The following COPS2 variants were observed in gnomAD, a reference collection of about 807,000 sequenced individuals.
COPS2 encodes COP9 signalosome subunit 2, also known as COP9 signalosome complex subunit 2.
In COPS2, 10 loss-of-function variants were observed where a neutral mutation model predicts 66.1. The ratio of observed to expected loss-of-function variants is 0.15; its 90% confidence interval spans 0.09 to 0.26. The LOEUF (loss-of-function observed/expected upper bound fraction) is 0.26, where lower values mean the gene tolerates loss of function less well. Ranked by LOEUF, COPS2 falls within the 10% of genes least tolerant of loss-of-function variation. COPS2 has a pLI of 1.00. For missense variants in COPS2, 215 were observed against 513.3 expected (o/e 0.42, Z 5.62); for synonymous variants, 179 against 171.3 (o/e 1.04, Z -0.35).
chr15:49,130,482 T>C (rs2084199544), intron 10 of COPS2, among the ~76,000 whole-genome samples: 1 of 152,194 alleles, frequency 6.6e-6, no homozygotes, highest in South Asian at 2.1e-4. Flanking sequence ...GACAGTTACC[T>C]TAAACAAAAT....
At chr15:49,137,043 A>G in intron 6 of COPS2, 107 bp downstream of exon 6, 1 of 695,318 alleles carries the variant, frequency 1.4e-6, no homozygotes, top group East Asian at 3.0e-5. Context: ...TATTTTTCAG[A>G]TAATGCTTAA....
chr15:49,128,067 G>C lies in COPS2; in HGVS notation c.1215C>G (p.Val405=). ...DNTIHGRIDQ[V]NQLLELDHQK... is the part of the protein sequence containing the mutation. ...GATGATCCAGTTCAAGGAGTTGGTT[G>C]ACTTGATCAATTCGGCCATGAATAG... The change falls in exon 13 of 13, where the codon GTC becomes GTG. Residue 405 remains valine (V), a synonymous_variant. Coordinates refer to ENST00000388901, the MANE Select transcript of COPS2 (RefSeq NM_004236.4). 6.2e-7 allele frequency: 1 copy of C among 1,613,774 alleles called. No homozygotes were observed. Among genetic ancestry groups the C allele is most frequent in the Non-Finnish European group, 8.5e-7 (1 of 1,179,784 alleles).
At chr15:49,145,540 G>C (rs1410598306) in intron 1 of COPS2, among the ~76,000 whole-genome samples, 1 of 151,116 alleles carries the variant, frequency 6.6e-6, no homozygotes, top group Non-Finnish European at 1.5e-5. Flanking sequence ...AACCAGCTAG[G>C]ATGGTAATCT....
At chr15:49,128,464 C>T (rs1483664971) in intron 12 of COPS2, among the ~76,000 whole-genome samples, 3 of 151,212 alleles carry the variant, frequency 2.0e-5, no homozygotes, top group Non-Finnish European at 4.4e-5. Context: ...TTAAATAATT[C>T]TTTGGCTGTA....
intron 6 of COPS2, 84 bp from the exon 7 acceptor site, chr15:49,134,598 A>G (rs1239195446): frequency 1.8e-6 from 2 of 1,088,978 alleles, no homozygotes; most frequent in Admixed American, 2.6e-5. Flanking sequence ...TCTTACATTT[A>G]TAATACTATT....
At chr15:49,153,397 A>C (rs1470655171) in intron 1 of COPS2, among the ~76,000 whole-genome samples, 1 of 152,206 alleles carries the variant, frequency 6.6e-6, no homozygotes, top group African/African-American at 2.4e-5. Flanking sequence ...TCAAAAAGAC[A>C]AAAAATAATA....
chr15:49,128,602 C>G (rs1209764499), intron 12 of COPS2, 100 bp downstream of exon 12: 4 of 806,196 alleles, frequency 5.0e-6, no homozygotes, highest in Non-Finnish European at 6.0e-6. Flanking sequence ...CCCAAGGGTG[C>G]TTTTTATGAA....
At chr15:49,148,524 C>T (rs2084337391) in intron 1 of COPS2, among the ~76,000 whole-genome samples, 1 of 152,138 alleles carries the variant, frequency 6.6e-6, no homozygotes, top group Non-Finnish European at 1.5e-5. Flanking sequence ...TGGGCTGAAG[C>T]ACAGGATGTT....
At chr15:49,150,147 G>A (rs2084348345) in intron 1 of COPS2, among the ~76,000 whole-genome samples, 1 of 151,354 alleles carries the variant, frequency 6.6e-6, no homozygotes, top group Non-Finnish European at 1.5e-5. Context: ...AATTAGCCGG[G>A]CATGGTGGCG....
chr15:49,141,596 A>C (rs1487023999), intron 3 of COPS2, among the ~76,000 whole-genome samples: 4 of 152,192 alleles, frequency 2.6e-5, no homozygotes, highest in African/African-American at 9.7e-5. Context: ...TTAAAGACTG[A>C]AGGAAGAGTA....
intron 1 of COPS2, among the ~76,000 whole-genome samples, chr15:49,149,230 ACT>A (rs2084342209): frequency 6.6e-6 from 1 of 152,054 alleles, no homozygotes; most frequent in South Asian, 2.1e-4. Flanking sequence ...ACCAAAATCT[ACT>A]CTTTCTCAAA....
rs1852521888 is a variant in COPS2 at position 49,126,022 on chromosome 15, T to C, written c.*1928A>G. The C allele has an allele frequency of 6.6e-6, 1 of 152,418 alleles. No individual in the cohort carries two copies. The highest frequency in any genetic ancestry group is 1.5e-5 in the Non-Finnish European group (1 of 67,928). The allele number at this position is 152,418 out of a possible 1,614,324, so 9.4% of individuals were successfully genotyped here. The stretch of plus-strand genomic sequence containing the variant: ...TTTCAAGGGTTATCACATGCATACA[T>C]ATTTGAATACAGGCACAAAAACTCA... On this transcript the variant is annotated 3_prime_UTR_variant, in exon 13 of 13. Coordinates refer to ENST00000388901, the MANE Select transcript of COPS2 (RefSeq NM_004236.4).
chr15:49,154,342 A>G (rs977644039), intron 1 of COPS2, among the ~76,000 whole-genome samples: 2 of 152,198 alleles, frequency 1.3e-5, no homozygotes, highest in African/African-American at 4.8e-5. Context: ...TATTAGCGAA[A>G]CTACATTTAA....
intron 1 of COPS2, among the ~76,000 whole-genome samples, chr15:49,154,120 AT>A (rs1305839492): frequency 6.6e-6 from 1 of 152,208 alleles, no homozygotes; most frequent in Non-Finnish European, 1.5e-5. Context: ...TATCCTGTGC[AT>A]GTAACGAAAC....
At chr15:49,150,571 T>C (rs1395366589) in intron 1 of COPS2, among the ~76,000 whole-genome samples, 1 of 152,194 alleles carries the variant, frequency 6.6e-6, no homozygotes, top group Non-Finnish European at 1.5e-5. Flanking sequence ...AGTAAAAATG[T>C]AGAGCATTAA....
At position 49,136,403 on chromosome 15, in the gene COPS2, T is replaced by C. The variant is rs531752097; in HGVS notation, c.540+747A>G. 6.6e-4 allele frequency among the ~76,000 whole-genome samples: 100 copies of C among 152,158 alleles called. 1 individual carries two copies. Among genetic ancestry groups the C allele is most frequent in the African/African-American group, 2.3e-3 (97 of 41,516 alleles). ...ATTTAAAGTAATTAATTACAGAAAA[T>C]AAAGAACTCAGTACCTCTGTCACAA... On this transcript the variant is annotated intron_variant, in intron 6 of 12. Transcript: ENST00000388901.
chr15:49,134,255 C>T (rs2084235246), intron 7 of COPS2, 85 bp downstream of exon 7: 2 of 1,455,070 alleles, frequency 1.4e-6, no homozygotes, highest in Non-Finnish European at 1.9e-6. Flanking sequence ...CCAAGGTATA[C>T]ACTGAAGTTC....
At chr15:49,132,053 T>C (rs2084213432) in intron 9 of COPS2, among the ~76,000 whole-genome samples, 1 of 152,214 alleles carries the variant, frequency 6.6e-6, no homozygotes, top group African/African-American at 2.4e-5. Flanking sequence ...ACTTAGCCAA[T>C]TTAATTTATA....
Position 49,133,779 on chromosome 15 carries a change from T to C in COPS2, c.927A>G (p.Leu309=). The change falls in exon 9 of 13, where the codon TTA becomes TTG. Residue 309 remains leucine, a synonymous_variant. Transcript: ENST00000388901. ...CTTACCTTACTAAATTCGTCATTGCTAAAATTTCTGGATCATTTTTGTACG... is the reference window on the plus strand; with the variant it reads ...CTTACCTTACTAAATTCGTCATTGCCAAAATTTCTGGATCATTTTTGTACG... ...AKPYKNDPEI[L]AMTNLVSAYQ... is the part of the protein sequence containing the mutation. 1 of 1,603,316 alleles carries C rather than the reference T, an allele frequency of 6.2e-7. No homozygotes were observed. The highest frequency in any genetic ancestry group is 1.7e-5 in the Admixed American group (1 of 58,110).
Sources: gnomAD v4.1 joint callset for allele counts (sites outside exome capture counted in the v4.1 genomes callset) on GRCh38, gnomAD v4.1.1 for gene constraint, MANE v1.5 for transcripts, NCBI Gene and HGNC (gene_info 2026-07-23, HGNC 2026-07-21) for gene names.